Variants in TSPAN5 observed in about 807,000 individuals in gnomAD.
TSPAN5 encodes tetraspanin 5, also known as tetraspanin-5.
Under a neutral mutation model 37.1 loss-of-function variants are expected in TSPAN5, and 10 were observed. The observed-to-expected ratio is 0.27, with a 90% CI of 0.17 to 0.46. TSPAN5 has a LOEUF of 0.46. TSPAN5 is among the 20% of genes least tolerant of loss of function. The pLI, the probability that TSPAN5 is intolerant of heterozygous loss-of-function variation, is 1.00. For synonymous variants in TSPAN5, 110 were observed against 118.9 expected (o/e 0.93, Z 0.48); for missense variants, 195 against 326.6 (o/e 0.60, Z 3.11).
At chr4:98,600,912 C>T (rs1434498688) in intron 1 of TSPAN5, among the ~76,000 whole-genome samples, 1 of 152,194 alleles carries the variant, frequency 6.6e-6, no homozygotes, top group Non-Finnish European at 1.5e-5. Flanking sequence ...AATAATAAGA[C>T]TTGAAAGTCA....
At chr4:98,640,201 A>T (rs1268256748) in intron 1 of TSPAN5, among the ~76,000 whole-genome samples, 1 of 152,230 alleles carries the variant, frequency 6.6e-6, no homozygotes, top group Non-Finnish European at 1.5e-5. Flanking sequence ...AATGAAGTAT[A>T]TATTAATAAA....
chr4:98,547,592 G>C (rs1467576427), intron 1 of TSPAN5, among the ~76,000 whole-genome samples: 1 of 152,000 alleles, frequency 6.6e-6, no homozygotes, highest in Non-Finnish European at 1.5e-5. Flanking sequence ...TTATTTAATC[G>C]CAAAGTTCAG....
At chr4:98,559,886 T>A (rs1164085274) in intron 1 of TSPAN5, among the ~76,000 whole-genome samples, 1 of 152,192 alleles carries the variant, frequency 6.6e-6, no homozygotes, top group Non-Finnish European at 1.5e-5. Flanking sequence ...TAGAATAAAT[T>A]GACTGACTGT....
intron 1 of TSPAN5, among the ~76,000 whole-genome samples, chr4:98,590,885 A>G (rs1755617334): frequency 6.6e-6 from 1 of 152,030 alleles, no homozygotes; most frequent in South Asian, 2.1e-4. Flanking sequence ...CATTAAGATA[A>G]CCATCCATCC....
chr4:98,641,712 T>C (rs370949756), intron 1 of TSPAN5, among the ~76,000 whole-genome samples: 1 of 152,142 alleles, frequency 6.6e-6, no homozygotes, highest in South Asian at 2.1e-4. Flanking sequence ...ATATAAACGG[T>C]AAGCAGATGC....
At chr4:98,549,816 T>A (rs2110153191) in intron 1 of TSPAN5, among the ~76,000 whole-genome samples, 1 of 152,138 alleles carries the variant, frequency 6.6e-6, no homozygotes, top group South Asian at 2.1e-4. Flanking sequence ...CTTTGGGAAT[T>A]TTTTTTTCCT....
rs576932336 is a variant in TSPAN5, at chr4:98,614,560, A to G, written c.81+43586T>C. Among the ~76,000 whole-genome samples, 9 of 152,264 alleles carry G rather than the reference A, an allele frequency of 5.9e-5. 1 individual carries two copies. In the South Asian group the frequency reaches 1.9e-3, roughly 32 times the overall value. Reference sequence around the variant, plus strand: ...CAAGAGGTCAAGAGGGGCTTGAGCCACTCTTGTTTTTTAAAGTTCCCAATA... The same window carrying G: ...CAAGAGGTCAAGAGGGGCTTGAGCCGCTCTTGTTTTTTAAAGTTCCCAATA... On this transcript the variant is annotated intron_variant, in intron 1 of 7. Coordinates refer to ENST00000305798, the MANE Select transcript of TSPAN5 (RefSeq NM_005723.4).
At chr4:98,512,500 C>T (rs1442474281) in intron 1 of TSPAN5, among the ~76,000 whole-genome samples, 3 of 152,300 alleles carry the variant, frequency 2.0e-5, no homozygotes, top group East Asian at 1.9e-4. Flanking sequence ...AGCCTTCAGG[C>T]ATAGCAGAAG....
chr4:98,528,788 A>G (rs545890853), intron 1 of TSPAN5, among the ~76,000 whole-genome samples: 2 of 152,304 alleles, frequency 1.3e-5, no homozygotes, highest in South Asian at 4.1e-4. Context: ...TCACTACTAT[A>G]AACTATTCTG....
chr4:98,609,713 T>A (rs1317078580), intron 1 of TSPAN5, among the ~76,000 whole-genome samples: 1 of 152,052 alleles, frequency 6.6e-6, no homozygotes, highest in African/African-American at 2.4e-5. Flanking sequence ...AGTTCAGGGG[T>A]AATGTCCCAA....
At chr4:98,642,429 AT>A (rs1392695538) in intron 1 of TSPAN5, among the ~76,000 whole-genome samples, 5 of 151,878 alleles carry the variant, frequency 3.3e-5, no homozygotes, top group Non-Finnish European at 7.4e-5. Flanking sequence ...TAACCACAAA[AT>A]TTTTTTTCTG....
Position 98,472,335 on chromosome 4 carries a change from T to TAA in TSPAN5, c.*186_*187insTT. The TAA allele has an allele frequency of 2.1e-6, 1 of 470,118 alleles. No individual in the cohort carries two copies. The allele number at this position is 470,118 out of a possible 1,614,324, so 29.1% of individuals were successfully genotyped here. A position where few individuals can be genotyped will look rare whatever the true frequency, so the allele number is the denominator to read the frequency against. Reference sequence around the variant, plus strand: ...GCGCAACGACTTTCATACTGGTTATTTTTTTTTTTAATTCTGTCAGTGAGC... The same window carrying TAA: ...GCGCAACGACTTTCATACTGGTTATTAATTTTTTTTTAATTCTGTCAGTGAGC... On this transcript the variant is annotated 3_prime_UTR_variant, in exon 8 of 8. Coordinates refer to ENST00000305798, the MANE Select transcript of TSPAN5 (RefSeq NM_005723.4).
intron 1 of TSPAN5, among the ~76,000 whole-genome samples, chr4:98,589,248 C>T (rs567825035): frequency 6.6e-6 from 1 of 152,322 alleles, no homozygotes; most frequent in South Asian, 2.1e-4. Flanking sequence ...ATAGCAAGCA[C>T]TGGTCAGCAA....
chr4:98,529,222 A>G (rs1242861402), intron 1 of TSPAN5, among the ~76,000 whole-genome samples: 1 of 152,238 alleles, frequency 6.6e-6, no homozygotes, highest in African/African-American at 2.4e-5. Flanking sequence ...GATCCCAAAG[A>G]TGCTAACACT....
At chr4:98,527,111 C>T (rs886691946) in intron 1 of TSPAN5, among the ~76,000 whole-genome samples, 3 of 152,136 alleles carry the variant, frequency 2.0e-5, no homozygotes, top group African/African-American at 7.2e-5. Context: ...TTGTAACCAC[C>T]ACTCTTTGAG....
At chr4:98,498,285 C>T (rs182089428) in intron 2 of TSPAN5, among the ~76,000 whole-genome samples, 4 of 152,188 alleles carry the variant, frequency 2.6e-5, no homozygotes, top group East Asian at 1.9e-4. Flanking sequence ...GAGCCTGGGC[C>T]GCCTGACCCA....
intron 1 of TSPAN5, among the ~76,000 whole-genome samples, chr4:98,518,006 G>C (rs1753772201): frequency 6.6e-6 from 1 of 152,036 alleles, no homozygotes. Flanking sequence ...GTTTGCATTA[G>C]ACAGCTGAGT....
chr4:98,492,558 C>G (rs1323630723), intron 2 of TSPAN5, among the ~76,000 whole-genome samples: 1 of 152,176 alleles, frequency 6.6e-6, no homozygotes, highest in African/African-American at 2.4e-5. Context: ...CACGTAAACG[C>G]ACACACAGAC....
chr4:98,604,816 C>A (rs1366792938), intron 1 of TSPAN5, among the ~76,000 whole-genome samples: 1 of 152,198 alleles, frequency 6.6e-6, no homozygotes, highest in East Asian at 1.9e-4. Context: ...ATCTCTAATA[C>A]AACCCTAAAG....
Sources: gnomAD v4.1 joint callset for allele counts (sites outside exome capture counted in the v4.1 genomes callset) on GRCh38, gnomAD v4.1.1 for gene constraint, MANE v1.5 for transcripts, NCBI Gene and HGNC (gene_info 2026-07-23, HGNC 2026-07-21) for gene names.